DPP6: variants seen among roughly 807,000 people sequenced by gnomAD.
DPP6 encodes the protein A-type potassium channel modulatory protein DPP6.
DPP6 carries 69 observed loss-of-function variants against 122.6 expected under a neutral mutation model. The ratio of observed to expected loss-of-function variants is 0.56; its 90% CI spans 0.46 to 0.69. The LOEUF (loss-of-function observed/expected upper bound fraction) is 0.69, where lower values mean the gene tolerates loss of function less well. Ranked by LOEUF, DPP6 falls within the 30% of genes least tolerant of loss-of-function variation. The probability of loss-of-function intolerance (pLI) is 0.00; values close to 1 mark genes in which losing one functional copy is unlikely to be tolerated. For synonymous variants in DPP6, 418 were observed against 433.1 expected (o/e 0.97, Z 0.43); for missense variants, 928 against 1,116.9 (o/e 0.83, Z 2.41).
Position 154,501,384 on chromosome 7 carries a change from C to A in DPP6, c.457+26347C>A, listed in dbSNP as rs944454165. ...CCAGGCCATGTCAGAGTCATCACAG[C>A]AGCCCCTCTCATCACAGACCTGGAA... On this transcript the variant is annotated intron_variant, in intron 3 of 25. Coordinates refer to ENST00000377770, the MANE Select transcript of DPP6 (RefSeq NM_130797.4). Among the ~76,000 whole-genome samples the A allele has an allele frequency of 2.4e-4, 37 of 152,168 alleles. 1 individual carries two copies. The highest frequency in any genetic ancestry group is 8.9e-4 in the African/African-American group (37 of 41,434).
chr7:154,484,993 G>C (rs1586420657), intron 3 of DPP6, among the ~76,000 whole-genome samples: 3 of 152,244 alleles, frequency 2.0e-5, no homozygotes, highest in African/African-American at 7.2e-5. Context: ...TATGGGGTTA[G>C]GTAGAGGGGG....
intron 1 of DPP6, among the ~76,000 whole-genome samples, chr7:154,271,881 C>G (rs1803816079): frequency 6.6e-6 from 1 of 152,178 alleles, no homozygotes; most frequent in South Asian, 2.1e-4. Context: ...ACCTTTATCT[C>G]CGGGGTTTCC....
At chr7:154,036,019 CTTGTGTGT>C (rs1190148784) in intron 1 of DPP6, among the ~76,000 whole-genome samples, 19,115 of 148,384 alleles carry the variant, frequency 0.13, 1,362 homozygotes, top group Middle Eastern at 0.16. Context: ...CGCGCGCGCG[CTTGTGTGT>C]GTGTGTGTGT....
intron 8 of DPP6, among the ~76,000 whole-genome samples, chr7:154,737,293 C>T (rs1586987259): frequency 6.6e-6 from 1 of 152,178 alleles, no homozygotes; most frequent in Non-Finnish European, 1.5e-5. Context: ...CACCCTTCTT[C>T]AATCAGATAC....
intron 7 of DPP6, among the ~76,000 whole-genome samples, chr7:154,711,943 C>CACACACACACACACA (rs746677317): frequency 0.18 from 8,947 of 48,684 alleles, 683 homozygotes; most frequent in African/African-American, 0.28. Context: ...ACTTAATACA[C>CACACACACACACACA]ACACACACAC....
chr7:154,873,203 T>C (rs1242121857), intron 19 of DPP6, among the ~76,000 whole-genome samples: 1 of 152,254 alleles, frequency 6.6e-6, no homozygotes, highest in African/African-American at 2.4e-5. Flanking sequence ...TTTTGTGCTC[T>C]GTAAATGCCT....
At chr7:154,205,676 C>T (rs1320774601) in intron 1 of DPP6, among the ~76,000 whole-genome samples, 3 of 152,174 alleles carry the variant, frequency 2.0e-5, no homozygotes, top group Admixed American at 6.5e-5. Context: ...AGCAGAGATC[C>T]GGCCTCCAGG....
intron 25 of DPP6, among the ~76,000 whole-genome samples, chr7:154,891,474 C>T (rs948475524): frequency 2.0e-5 from 3 of 152,154 alleles, no homozygotes; most frequent in Non-Finnish European, 4.4e-5. Context: ...CCTCCCCACC[C>T]GACACACCTG....
chr7:154,014,130 G>A (rs1282458783), intron 1 of DPP6, among the ~76,000 whole-genome samples: 1 of 151,050 alleles, frequency 6.6e-6, no homozygotes, highest in East Asian at 1.9e-4. Flanking sequence ...AGAAAGCAGG[G>A]CTAAAATAAA....
At chr7:154,810,372 A>G (rs773796464) in intron 16 of DPP6, among the ~76,000 whole-genome samples, 4 of 152,170 alleles carry the variant, frequency 2.6e-5, no homozygotes, top group Non-Finnish European at 5.9e-5. Context: ...CACATGGTGG[A>G]TGTAAACATG....
In DPP6 at chr7:154,063,294, C is replaced by T. The variant is rs1262386756; in HGVS notation, c.243+10231C>T. ...CCCATCGCAGAGGGGGGAGGGACCC[C>T]CCATGAGGCGGGGACTGAGAGCCAG... On this transcript the variant is annotated intron_variant, in intron 1 of 25. Transcript: ENST00000377770. Among the ~76,000 whole-genome samples, 15 of 132,428 alleles carry T rather than the reference C, an allele frequency of 1.1e-4. 1 individual carries two copies. The highest frequency in any genetic ancestry group is 3.9e-4 in the African/African-American group (14 of 36,148). 86.9% of individuals were successfully genotyped at this position (132,428 alleles called of 152,430 possible).
the DPP6 span, among the ~76,000 whole-genome samples, chr7:153,782,618 G>A: frequency 6.6e-6 from 1 of 152,128 alleles, no homozygotes; most frequent in Non-Finnish European, 1.5e-5. Context: ...TTCAGTGCTG[G>A]CTTTTCAAGT....
In DPP6 at chr7:154,269,782, A is replaced by G. The variant is rs114259862; in HGVS notation, c.244-176432A>G. 4.6e-3 allele frequency among the ~76,000 whole-genome samples: 701 copies of G among 152,298 alleles called. 5 individuals carry two copies. Among genetic ancestry groups the G allele is most frequent in the African/African-American group, 0.016 (676 of 41,574 alleles). On this transcript the variant is annotated intron_variant, in intron 1 of 25. Transcript: ENST00000377770. ...TTCCCCAAAATAATGAAACTGTGCT[A>G]TTTGAACATTTTCTCTGAATCTCAG...
At chr7:153,964,938 CTT>C (rs34408815) in intron 1 of DPP6, among the ~76,000 whole-genome samples, 110 of 62,550 alleles carry the variant, frequency 1.8e-3, no homozygotes, top group East Asian at 9.6e-3. Context: ...TTCTTTCTTT[CTT>C]TTTCTTTCTT....
At chr7:154,120,272 T>C (rs1202390081) in intron 1 of DPP6, among the ~76,000 whole-genome samples, 1 of 150,938 alleles carries the variant, frequency 6.6e-6, no homozygotes, top group Admixed American at 6.6e-5. Flanking sequence ...TGAGACAGAG[T>C]CTCGCTCTGT....
At chr7:153,911,778 A>G (rs1209532585) in intron 1 of DPP6, among the ~76,000 whole-genome samples, 1 of 152,218 alleles carries the variant, frequency 6.6e-6, no homozygotes, top group East Asian at 1.9e-4. Context: ...TATTACTATC[A>G]CCAATTCAGT....
chr7:154,260,847 C>T (rs2150913735), intron 1 of DPP6, among the ~76,000 whole-genome samples: 1 of 151,316 alleles, frequency 6.6e-6, no homozygotes, highest in Non-Finnish European at 1.5e-5. Flanking sequence ...TTGGTAAATA[C>T]CTAGTAGTGG....
chr7:153,936,330 C>T (rs939396307), intron 1 of DPP6, among the ~76,000 whole-genome samples: 1 of 152,136 alleles, frequency 6.6e-6, no homozygotes, highest in Middle Eastern at 3.2e-3. Context: ...GAACTGAAGA[C>T]AGGCCAGCAG....
intron 1 of DPP6, among the ~76,000 whole-genome samples, chr7:154,199,264 T>C (rs6943620): frequency 0.84 from 128,130 of 152,132 alleles, 54,051 homozygotes; most frequent in Non-Finnish European, 0.85. Context: ...TGGGTTATCC[T>C]AAGCGTCCCT....
Sources: allele counts gnomAD v4.1 joint callset (sites outside exome capture counted in the v4.1 genomes callset), GRCh38; gene constraint gnomAD v4.1.1; transcripts MANE v1.5; gene names NCBI Gene and HGNC (gene_info 2026-07-23, HGNC 2026-07-21).